SUMF1: variants seen among roughly 807,000 people sequenced by gnomAD.
SUMF1 encodes sulfatase modifying factor 1.
A neutral mutation model predicts 47.6 loss-of-function variants in SUMF1; 48 were observed. The ratio of observed to expected loss-of-function variants is 1.01; its 90% CI spans 0.80 to 1.28. The LOEUF (loss-of-function observed/expected upper bound fraction) is 1.28. Among genes scored for constraint, SUMF1 ranks in the 50% most tolerant of loss-of-function variants. The pLI, the probability that SUMF1 is intolerant of heterozygous loss-of-function variation, is 0.00. For synonymous variants in SUMF1, 230 were observed against 192.1 expected (o/e 1.20, Z -1.63); for missense variants, 571 against 485.4 (o/e 1.18, Z -1.66).
intron 8 of SUMF1, among the ~76,000 whole-genome samples, chr3:4,240,692 A>T (rs1333889646): frequency 6.6e-6 from 1 of 152,020 alleles, no homozygotes; most frequent in Non-Finnish European, 1.5e-5. Flanking sequence ...TATTATACCC[A>T]TTTCATAAAA....
intron 8 of SUMF1, among the ~76,000 whole-genome samples, chr3:4,206,567 T>C (rs1465506852): frequency 6.6e-6 from 1 of 152,160 alleles, no homozygotes; most frequent in Non-Finnish European, 1.5e-5. Context: ...CACGTGGCAC[T>C]GCCAGAAGAT....
At chr3:4,331,989 CTT>C (rs1239046122) in intron 8 of SUMF1, among the ~76,000 whole-genome samples, 1 of 152,082 alleles carries the variant, frequency 6.6e-6, no homozygotes, top group Non-Finnish European at 1.5e-5. Flanking sequence ...ATTCTGAAGA[CTT>C]TTTTTATTTT....
intron 8 of SUMF1, among the ~76,000 whole-genome samples, chr3:4,277,541 A>T (rs1032976352): frequency 1.3e-5 from 2 of 152,152 alleles, no homozygotes; most frequent in African/African-American, 4.8e-5. Context: ...AGGAGACAGG[A>T]AAGACAGGGA....
intron 7 of SUMF1, among the ~76,000 whole-genome samples, chr3:4,407,673 T>C (rs1701417950): frequency 6.6e-6 from 1 of 152,312 alleles, no homozygotes; most frequent in African/African-American, 2.4e-5. Flanking sequence ...GAAATAGGAC[T>C]TAACCAGACC....
intron 8 of SUMF1, among the ~76,000 whole-genome samples, chr3:4,276,421 A>C (rs1418969466): frequency 6.6e-6 from 1 of 152,204 alleles, no homozygotes; most frequent in Non-Finnish European, 1.5e-5. Flanking sequence ...GCGTAATTAA[A>C]AATCAGCAGA....
intron 6 of SUMF1, among the ~76,000 whole-genome samples, chr3:4,411,205 G>A (rs775444235): frequency 2.0e-5 from 3 of 151,928 alleles, no homozygotes; most frequent in Admixed American, 6.6e-5. Context: ...CATATTAAAT[G>A]GTATGAAAGT....
chr3:4,249,831 T>C (rs577410886), intron 8 of SUMF1, among the ~76,000 whole-genome samples: 1 of 152,240 alleles, frequency 6.6e-6, no homozygotes, highest in South Asian at 2.1e-4. Context: ...AAAGGAAAAC[T>C]TCTCCGAGGA....
rs1452885235 is a variant in SUMF1 at position 4,327,386 on chromosome 3, C to CA, written c.1014+48943dup. Among the ~76,000 whole-genome samples, 11 of 151,972 alleles carry CA rather than the reference C, an allele frequency of 7.2e-5. No individual in the cohort carries two copies. In the East Asian group the frequency reaches 1.5e-3, roughly 21 times the overall value. On this transcript the variant is annotated intron_variant and NMD_transcript_variant, in intron 8 of 12. Coordinates refer to the SUMF1 transcript ENST00000448413. ...AGAAGAGTCTTTTCCATAAATTTCC[C>CA]AAAAAAAGCAAGTTGTTGTTGTTGT...
rs1440211464 is a variant in SUMF1 at position 4,211,119 on chromosome 3, T to TATATATATATAC, written c.1015-142375_1015-142374insGTATATATATAT. 2.2e-5 allele frequency among the ~76,000 whole-genome samples: 3 copies of TATATATATATAC among 133,780 alleles called. 1 individual carries two copies. The highest frequency in any genetic ancestry group is 5.9e-5 in the African/African-American group (2 of 33,874). 87.8% of individuals were successfully genotyped at this position (133,780 alleles called of 152,430 possible). A position where few individuals can be genotyped will look rare whatever the true frequency, so the allele number is the denominator to read the frequency against. ...ATAAACTCCCATATATATATATATA[T>TATATATATATAC]ATACACACACACACACATATATACA... On this transcript the variant is annotated intron_variant and NMD_transcript_variant, in intron 8 of 12. Transcript: ENST00000448413.
rs1260824549 is a variant in SUMF1, at chr3:4,350,173, G to C, written c.1014+26157C>G. ...GCACCACCACGCCAGGCTAATTTTTGTATTTTTTTTAGTATTAAAAAATCA... is the reference window on the plus strand; with the variant it reads ...GCACCACCACGCCAGGCTAATTTTTCTATTTTTTTTAGTATTAAAAAATCA... On this transcript the variant is annotated intron_variant and NMD_transcript_variant, in intron 8 of 12. Coordinates refer to the SUMF1 transcript ENST00000448413. Among the ~76,000 whole-genome samples the C allele has an allele frequency of 3.3e-5, 5 of 151,496 alleles. No homozygotes were observed. In the East Asian group the frequency reaches 9.7e-4, roughly 29 times the overall value.
At chr3:4,285,699 A>G (rs1321076723) in intron 8 of SUMF1, among the ~76,000 whole-genome samples, 1 of 152,142 alleles carries the variant, frequency 6.6e-6, no homozygotes, top group Non-Finnish European at 1.5e-5. Flanking sequence ...CACCTCATAC[A>G]GTACCTCATA....
intron 8 of SUMF1, among the ~76,000 whole-genome samples, chr3:4,090,972 T>C (rs918354635): frequency 5.3e-5 from 8 of 151,804 alleles, no homozygotes; most frequent in Non-Finnish European, 1.2e-4. Flanking sequence ...TCCCAGCTAC[T>C]TGGGAGGCTG....
intron 8 of SUMF1, among the ~76,000 whole-genome samples, chr3:4,148,314 T>C (rs1015033339): frequency 2.0e-5 from 3 of 152,184 alleles, no homozygotes; most frequent in African/African-American, 7.2e-5. Context: ...AGTTTTCATA[T>C]AGTTACAAGT....
intron 8 of SUMF1, among the ~76,000 whole-genome samples, chr3:4,354,991 T>C (rs1322399429): frequency 6.6e-6 from 1 of 152,182 alleles, no homozygotes; most frequent in Non-Finnish European, 1.5e-5. Context: ...TATGTGGTGG[T>C]GCAGGGATAT....
At chr3:4,350,423 C>T (rs1309941343) in intron 8 of SUMF1, among the ~76,000 whole-genome samples, 2 of 151,174 alleles carry the variant, frequency 1.3e-5, no homozygotes, top group Non-Finnish European at 2.9e-5. Flanking sequence ...TCCATATATA[C>T]ATGTAGTATA....
intron 4 of SUMF1, 47 bp from the exon 5 acceptor site, chr3:4,418,179 A>C: frequency 1.2e-6 from 2 of 1,612,850 alleles, no homozygotes; most frequent in Non-Finnish European, 1.7e-6. Context: ...AATCAGAACA[A>C]GAAGCAGGAG....
intron 8 of SUMF1, among the ~76,000 whole-genome samples, chr3:4,373,216 C>T (rs1476231163): frequency 6.6e-6 from 1 of 151,414 alleles, no homozygotes; most frequent in Non-Finnish European, 1.5e-5. Context: ...AAACAGAGAA[C>T]AACAACAGGT....
chr3:4,103,018 G>T (rs1321047968), intron 8 of SUMF1, among the ~76,000 whole-genome samples: 1 of 151,668 alleles, frequency 6.6e-6, no homozygotes, highest in African/African-American at 2.4e-5. Context: ...CACCTCCCAG[G>T]TTCAAATGAT....
chr3:4,154,499 C>A (rs1198393630), intron 8 of SUMF1, among the ~76,000 whole-genome samples: 1 of 151,554 alleles, frequency 6.6e-6, no homozygotes, highest in East Asian at 1.9e-4. Context: ...TGCCACAAAC[C>A]TACAAGCTGG....
Sources: allele counts gnomAD v4.1 joint callset (sites outside exome capture counted in the v4.1 genomes callset), GRCh38; gene constraint gnomAD v4.1.1; transcripts MANE v1.5; gene names NCBI Gene and HGNC (gene_info 2026-07-23, HGNC 2026-07-21).